Variants in DNAH7 observed in about 807,000 individuals in gnomAD.
DNAH7 encodes dynein axonemal heavy chain 7, also known as axonemal beta dynein heavy chain 7.
DNAH7 carries 397 observed loss-of-function variants against 444.6 expected under a neutral mutation model. The ratio of observed to expected loss-of-function variants is 0.89; its 90% CI spans 0.82 to 0.97. DNAH7 has a LOEUF of 0.97. DNAH7 is among the 50% of genes least tolerant of loss of function. The pLI, the probability that DNAH7 is intolerant of heterozygous loss-of-function variation, is 0.00. For synonymous variants in DNAH7, 1,636 were observed against 1,624.4 expected (o/e 1.01, Z -0.17); for missense variants, 4,902 against 4,800.8 (o/e 1.02, Z -0.62).
chr2:195,882,072 G>T, intron 35 of DNAH7, 80 bp from the exon 36 acceptor site: 1 of 1,203,758 alleles, frequency 8.3e-7, no homozygotes, highest in Non-Finnish European at 1.2e-6. Context: ...TTGTAGAAAA[G>T]ACTAAGACCA....
rs1700758814 is a variant in DNAH7, at chr2:195,872,296, T to G, written c.6587A>C (p.Glu2196Ala). The change falls in exon 40 of 65, where the codon GAA becomes GCA. Residue 2196 changes from glutamate (E) to alanine (A), a missense_variant. Transcript: ENST00000312428. ...VIQGVCLSRP[E>A]TTETTEVIKR... ...AATCACTTCTGTGGTTTCTGTTGTT[T>G]CTGGTCTTGACAAACAAACACCTTG... 6.2e-7 allele frequency: 1 copy of G among 1,613,978 alleles called. No homozygotes were observed.
chr2:195,882,107 G>A (rs997746922), intron 35 of DNAH7, 115 bp from the exon 36 acceptor site: 36 of 789,068 alleles, frequency 4.6e-5, no homozygotes, highest in Non-Finnish European at 6.6e-5. Context: ...GTATACATTT[G>A]TTTTATCCTT....
At position 195,960,253 on chromosome 2, in the gene DNAH7, AC is replaced by A. The variant is rs773458985; in HGVS notation, c.2891+6del. On this transcript the variant is annotated splice_donor_region_variant and intron_variant, in intron 18 of 64. Transcript: ENST00000312428. The stretch of plus-strand genomic sequence containing the variant: ...GCATAAACATTGCCATATAAATATC[AC>A]TTTACCTCATTTGTTTTTCATAAGG... 26 of 1,590,116 alleles carry A rather than the reference AC, an allele frequency of 1.6e-5. No homozygotes were observed. The South Asian group carries it at 3.0e-4, about 18-fold the overall frequency.
chr2:196,013,413 T>C (rs1694832852), intron 9 of DNAH7, among the ~76,000 whole-genome samples: 1 of 152,184 alleles, frequency 6.6e-6, no homozygotes, highest in South Asian at 2.1e-4. Flanking sequence ...TCAACAACTT[T>C]CAATACAATC....
At chr2:195,881,699 A>G (rs1282371754) in intron 36 of DNAH7, 96 bp downstream of exon 36, 1 of 1,302,026 alleles carries the variant, frequency 7.7e-7, no homozygotes, top group Admixed American at 2.2e-5. Flanking sequence ...ACATCAAAGT[A>G]CTTGAGTATT....
chr2:195,829,924 T>A (rs1394045956), intron 48 of DNAH7, among the ~76,000 whole-genome samples: 1 of 152,068 alleles, frequency 6.6e-6, no homozygotes, highest in Non-Finnish European at 1.5e-5. Context: ...TATTATATTA[T>A]GCGTCTCACC....
intron 51 of DNAH7, among the ~76,000 whole-genome samples, chr2:195,812,667 A>G (rs1242671840): frequency 4.6e-5 from 7 of 152,322 alleles, no homozygotes; most frequent in Non-Finnish European, 7.4e-5. Context: ...AAGACAAACA[A>G]GAATGAAATA....
At chr2:196,000,047 G>T (rs1169229704) in intron 12 of DNAH7, among the ~76,000 whole-genome samples, 14 of 152,114 alleles carry the variant, frequency 9.2e-5, no homozygotes, top group Non-Finnish European at 2.1e-4. Flanking sequence ...CCCTCAAGAT[G>T]GGCTGTGCCA....
intron 14 of DNAH7, among the ~76,000 whole-genome samples, chr2:195,986,749 C>A (rs1221207302): frequency 6.6e-6 from 1 of 152,010 alleles, no homozygotes; most frequent in African/African-American, 2.4e-5. Flanking sequence ...ACTTTGAAAC[C>A]CACTTTGCAT....
At chr2:195,861,390 G>C (rs1359676953) in intron 42 of DNAH7, among the ~76,000 whole-genome samples, 2 of 152,118 alleles carry the variant, frequency 1.3e-5, no homozygotes, top group Non-Finnish European at 2.9e-5. Context: ...AGTATTCAAA[G>C]AGAGGGTTTA....
rs544984863 is a variant in DNAH7 at position 195,965,748 on chromosome 2, G to T, written c.2205+4200C>A. ...TTTCCTCGAGATTTTCCTATTTATT[G>T]GCATACAGTTGCTCACAGTAGCCAC... On this transcript the variant is annotated intron_variant, in intron 17 of 64. Coordinates refer to ENST00000312428, the MANE Select transcript of DNAH7 (RefSeq NM_018897.3). Among the ~76,000 whole-genome samples the T allele has an allele frequency of 7.9e-5, 12 of 152,086 alleles. No individual in the cohort carries two copies. In the South Asian group the frequency reaches 2.5e-3, roughly 32 times the overall value.
At chr2:196,055,404 A>G (rs576098541) in intron 2 of DNAH7, among the ~76,000 whole-genome samples, 23 of 152,316 alleles carry the variant, frequency 1.5e-4, no homozygotes, top group Admixed American at 1.3e-3. Context: ...AAAGATAAGA[A>G]AAGAAAAGAA....
At chr2:195,765,117 C>T (rs1166581965) in intron 61 of DNAH7, among the ~76,000 whole-genome samples, 1 of 151,968 alleles carries the variant, frequency 6.6e-6, no homozygotes, top group Non-Finnish European at 1.5e-5. Context: ...GACAAAGTTG[C>T]CAAGAACATA....
At chr2:196,012,953 T>C in intron 9 of DNAH7, 47 bp from the exon 10 acceptor site, 2 of 1,323,266 alleles carry the variant, frequency 1.5e-6, no homozygotes, top group Non-Finnish European at 2.0e-6. Context: ...ACTTTTTTGG[T>C]ATTTAATATT....
rs1434422728 is a variant in DNAH7, at chr2:195,803,290, C to T, written c.10176+3450G>A. Among the ~76,000 whole-genome samples, 3 of 152,336 alleles carry T rather than the reference C, an allele frequency of 2.0e-5. 1 individual carries two copies. Among genetic ancestry groups the T allele is most frequent in the Admixed American group, 2.0e-4 (3 of 15,308 alleles). ...CAAGTTTGAATTATAAATGGCCTCA[C>T]TTCTGTGAGTGGTTCAAACTGGTGT... is the stretch of plus-strand genomic sequence containing the variant. On this transcript the variant is annotated intron_variant, in intron 54 of 64. Transcript: ENST00000312428.
At chr2:195,998,855 G>A (rs1693863817) in intron 12 of DNAH7, 2 of 402,956 alleles carry the variant, frequency 5.0e-6, no homozygotes, top group South Asian at 1.5e-4. Context: ...TAATAAAGCT[G>A]ACTTTATCTT....
At chr2:195,976,743 C>CAGAG (rs1692212889) in intron 15 of DNAH7, among the ~76,000 whole-genome samples, 1 of 18,350 alleles carries the variant, frequency 5.4e-5, no homozygotes, top group Non-Finnish European at 1.8e-4. Flanking sequence ...GACAGAGAGG[C>CAGAG]AGACAGAGAG....
At chr2:195,852,063 C>T (rs979366546) in intron 46 of DNAH7, among the ~76,000 whole-genome samples, 9 of 152,194 alleles carry the variant, frequency 5.9e-5, no homozygotes, top group South Asian at 4.2e-4. Flanking sequence ...TTGAGACCAT[C>T]CTGGCTAACA....
intron 61 of DNAH7, among the ~76,000 whole-genome samples, chr2:195,759,796 G>A (rs1040228095): frequency 2.0e-5 from 3 of 152,116 alleles, no homozygotes; most frequent in Non-Finnish European, 2.9e-5. Flanking sequence ...AGGCTGCAGT[G>A]AGCCAAGATT....
Sources: allele counts gnomAD v4.1 joint callset (sites outside exome capture counted in the v4.1 genomes callset), GRCh38; gene constraint gnomAD v4.1.1; transcripts MANE v1.5; gene names NCBI Gene and HGNC (gene_info 2026-07-23, HGNC 2026-07-21).